CRYZL1: variants seen among roughly 807,000 people sequenced by gnomAD.
CRYZL1 encodes the protein crystallin zeta like 1.
In CRYZL1, 34 loss-of-function variants were observed where a neutral mutation model predicts 50.6. That is an observed-to-expected ratio of 0.67 (90% CI 0.51 to 0.89). The LOEUF (loss-of-function observed/expected upper bound fraction) is 0.89. Ranked by LOEUF, CRYZL1 falls within the 40% of genes least tolerant of loss-of-function variation. The pLI is 0.00. For synonymous variants in CRYZL1, 125 were observed against 134.3 expected (o/e 0.93, Z 0.48); for missense variants, 354 against 402.3 (o/e 0.88, Z 1.03).
intron 4 of CRYZL1, 145 bp downstream of exon 4, chr21:33,621,851 A>C (rs1943020076): frequency 1.9e-6 from 1 of 522,406 alleles, no homozygotes; most frequent in Admixed American, 3.8e-5. Flanking sequence ...AAAAATAAAA[A>C]TAAAAATAAA....
At chr21:33,615,233 T>A (rs955183232) in intron 5 of CRYZL1, among the ~76,000 whole-genome samples, 1 of 148,792 alleles carries the variant, frequency 6.7e-6, no homozygotes, top group Admixed American at 6.8e-5. Context: ...GCTCACTGCA[T>A]CCTCAAACTT....
At chr21:33,618,620 G>C (rs1026010752) in intron 4 of CRYZL1, among the ~76,000 whole-genome samples, 4 of 152,178 alleles carry the variant, frequency 2.6e-5, no homozygotes, top group African/African-American at 9.7e-5. Flanking sequence ...AATGGCCCCA[G>C]AGTGCATTTG....
At chr21:33,593,658 G>A (rs184223257) in intron 11 of CRYZL1, among the ~76,000 whole-genome samples, 218 of 152,208 alleles carry the variant, frequency 1.4e-3, no homozygotes, top group Non-Finnish European at 6.3e-4. Flanking sequence ...TATAAGCAGA[G>A]CAGTCTAGTT....
Position 33,614,627 on chromosome 21 carries a change from A to G in CRYZL1, c.263-1021T>C, listed in dbSNP as rs141431798. Among the ~76,000 whole-genome samples the G allele has an allele frequency of 3.9e-5, 6 of 152,226 alleles. No individual in the cohort carries two copies. In the East Asian group the frequency reaches 1.2e-3, roughly 29 times the overall value. ...CGCTCTGTTGCCTAGGCTGGAGTGCAATGGCGCGATCTCAGCCCACTGCAA... is the reference window on the plus strand; with the variant it reads ...CGCTCTGTTGCCTAGGCTGGAGTGCGATGGCGCGATCTCAGCCCACTGCAA... On this transcript the variant is annotated intron_variant, in intron 5 of 12. Coordinates refer to ENST00000381554, the MANE Select transcript of CRYZL1 (RefSeq NM_145858.3).
chr21:33,622,140 G>A (rs2087010511), intron 3 of CRYZL1, 72 bp from the exon 4 acceptor site: 15 of 1,220,584 alleles, frequency 1.2e-5, no homozygotes, highest in Non-Finnish European at 1.8e-5. Context: ...TATGAGGAAA[G>A]CGAGAGTAAA....
intron 6 of CRYZL1, among the ~76,000 whole-genome samples, chr21:33,612,168 T>A (rs1360506522): frequency 6.6e-6 from 1 of 152,188 alleles, no homozygotes; most frequent in Non-Finnish European, 1.5e-5. Flanking sequence ...CTAGGTCTGG[T>A]ATATATACAT....
intron 1 of CRYZL1, among the ~76,000 whole-genome samples, chr21:33,637,788 T>TATATATATATATATATACACAC (rs1491462371): frequency 7.7e-5 from 9 of 117,212 alleles, no homozygotes; most frequent in Admixed American, 6.3e-4. Context: ...TATATATATA[T>TATATATATATATATATACACAC]ACACACACAC....
chr21:33,630,865 C>T lies in CRYZL1; in HGVS notation c.66+621G>A, dbSNP rs188289825. 2.0e-3 allele frequency among the ~76,000 whole-genome samples: 303 copies of T among 152,250 alleles called. 2 individuals are homozygous for T. The highest frequency in any genetic ancestry group is 6.9e-3 in the African/African-American group (288 of 41,534). ...TGAAAATGTGGATGAATCTTGAGAA[C>T]GCTGTGTTAAGTGAAATAAGCTAAG... On this transcript the variant is annotated intron_variant, in intron 2 of 12. Coordinates refer to ENST00000381554, the MANE Select transcript of CRYZL1 (RefSeq NM_145858.3).
intron 10 of CRYZL1, among the ~76,000 whole-genome samples, chr21:33,596,443 C>G (rs199872979): frequency 6.6e-6 from 1 of 151,548 alleles, no homozygotes; most frequent in Non-Finnish European, 1.5e-5. Flanking sequence ...TTCAAGACCA[C>G]CCTGGTCAAC....
In CRYZL1 at chr21:33,591,173, A is replaced by G; in HGVS notation, c.939T>C (p.Thr313=). 1.2e-6 allele frequency: 2 copies of G among 1,609,408 alleles called. No individual in the cohort carries two copies. Among genetic ancestry groups the G allele is most frequent in the Non-Finnish European group, 1.7e-6 (2 of 1,175,642 alleles). The change falls in exon 12 of 13, where the codon ACT becomes ACC. Residue 313 remains threonine, a synonymous_variant. Transcript: ENST00000381554. The part of the protein sequence containing the change: ...ILKDVMEKLS[T]GVFRPQLDEP... Reference sequence around the variant, plus strand: ...TTACTTTAGCGTACCTGAAAACACCAGTTGATAACTTCTCCATCACATCCT... The same window carrying G: ...TTACTTTAGCGTACCTGAAAACACCGGTTGATAACTTCTCCATCACATCCT...
intron 3 of CRYZL1, 117 bp downstream of exon 3, chr21:33,624,565 CA>C: frequency 6.8e-7 from 1 of 1,473,894 alleles, no homozygotes; most frequent in South Asian, 1.3e-5. Context: ...AAAAAATTAA[CA>C]AAAATGAAGA....
chr21:33,595,259 A>G, intron 11 of CRYZL1: 1 of 981,474 alleles, frequency 1.0e-6, no homozygotes, highest in Non-Finnish European at 1.3e-6. Flanking sequence ...ATTTCCTAGC[A>G]TTGATATTTA....
chr21:33,628,518 A>G (rs887383569), intron 2 of CRYZL1, among the ~76,000 whole-genome samples: 1 of 151,748 alleles, frequency 6.6e-6, no homozygotes, highest in African/African-American at 2.4e-5. Context: ...CATCGTAGAG[A>G]TATTTCACCT....
At chr21:33,608,163 CA>C (rs1386378085) in intron 6 of CRYZL1, among the ~76,000 whole-genome samples, 1 of 152,102 alleles carries the variant, frequency 6.6e-6, no homozygotes, top group African/African-American at 2.4e-5. Context: ...AAAATAAAAA[CA>C]TATCCCTTGG....
chr21:33,589,831 A>C lies in CRYZL1; in HGVS notation c.1041T>G (p.Val347=). Residue 347 remains valine (V), a synonymous_variant, in exon 13 of 13, where the codon GTT becomes GTG. Coordinates refer to ENST00000381554, the MANE Select transcript of CRYZL1 (RefSeq NM_145858.3). The part of the protein sequence containing the change: ...QKNQGRKKQV[V]QF The stretch of plus-strand genomic sequence containing the variant: ...CTGAGAAAGAAGAAAATTAAAATTG[A>C]ACAACTTGCTTTTTTCTTCCTTGAT... 6.2e-7 allele frequency: 1 copy of C among 1,604,716 alleles called. No homozygotes were observed. The highest frequency in any genetic ancestry group is 8.5e-7 in the Non-Finnish European group (1 of 1,171,800).
intron 1 of CRYZL1, among the ~76,000 whole-genome samples, chr21:33,634,290 A>C (rs941214330): frequency 2.0e-5 from 3 of 151,684 alleles, no homozygotes; most frequent in African/African-American, 7.3e-5. Context: ...CTCTCTCCCT[A>C]CTCTACCTTA....
intron 2 of CRYZL1, among the ~76,000 whole-genome samples, chr21:33,627,398 C>T (rs2087079910): frequency 1.3e-5 from 2 of 152,022 alleles, no homozygotes; most frequent in African/African-American, 4.8e-5. Flanking sequence ...TGTGCCTGGC[C>T]TAAATGTTTT....
At chr21:33,625,614 G>C (rs1187877944) in intron 2 of CRYZL1, among the ~76,000 whole-genome samples, 1 of 151,986 alleles carries the variant, frequency 6.6e-6, no homozygotes, top group African/African-American at 2.4e-5. Flanking sequence ...CTTCTGAGTA[G>C]CTGGGGTTAC....
intron 1 of CRYZL1, among the ~76,000 whole-genome samples, chr21:33,632,435 T>C (rs1166547913): frequency 6.6e-6 from 1 of 152,004 alleles, no homozygotes; most frequent in African/African-American, 2.4e-5. Flanking sequence ...TGGAGTGTAG[T>C]GGCACGATCT....
Sources: allele counts gnomAD v4.1 joint callset (sites outside exome capture counted in the v4.1 genomes callset), GRCh38; gene constraint gnomAD v4.1.1; transcripts MANE v1.5; gene names NCBI Gene and HGNC (gene_info 2026-07-23, HGNC 2026-07-21).